Variants in MAD1L1 observed in about 807,000 individuals in gnomAD.
MAD1L1 encodes the protein mitotic spindle assembly checkpoint protein MAD1.
Under a neutral mutation model 96.9 loss-of-function variants are expected in MAD1L1, and 95 were observed. The ratio of observed to expected loss-of-function variants is 0.98; its 90% confidence interval spans 0.83 to 1.16. The LOEUF (loss-of-function observed/expected upper bound fraction) is 1.16. Among genes scored for constraint, MAD1L1 ranks in the 50% most tolerant of loss-of-function variants. The pLI is 0.00. For missense variants in MAD1L1, 1,007 were observed against 954.4 expected, an observed-to-expected ratio of 1.06 and a Z score of -0.73; for synonymous variants, 473 against 396.6, an observed-to-expected ratio of 1.19 and a Z score of -2.29.
chr7:1,863,436 C>A (rs1307644146), intron 18 of MAD1L1, among the ~76,000 whole-genome samples: 1 of 152,242 alleles, frequency 6.6e-6, no homozygotes, highest in Non-Finnish European at 1.5e-5. Context: ...CCACTGAGGG[C>A]CTCTGTGAGG....
chr7:2,054,955 C>T (rs1177488066), intron 12 of MAD1L1, among the ~76,000 whole-genome samples: 2 of 152,230 alleles, frequency 1.3e-5, no homozygotes, highest in Non-Finnish European at 2.9e-5. Flanking sequence ...AGATGGGTTG[C>T]ATGGGTCACA....
chr7:1,903,327 C>T (rs1242383430), intron 17 of MAD1L1, among the ~76,000 whole-genome samples: 730 of 86,196 alleles, frequency 8.5e-3, no homozygotes, highest in Middle Eastern at 0.065. Context: ...CAGTGGCCTA[C>T]GGAAGACACT....
At chr7:2,221,814 C>G (rs1793623290) in intron 5 of MAD1L1, among the ~76,000 whole-genome samples, 1 of 152,206 alleles carries the variant, frequency 6.6e-6, no homozygotes, top group African/African-American at 2.4e-5. Flanking sequence ...AGACCACCAT[C>G]CACGACAGGG....
intron 14 of MAD1L1, among the ~76,000 whole-genome samples, chr7:1,998,120 C>G (rs1157163085): frequency 6.6e-6 from 1 of 152,202 alleles, no homozygotes; most frequent in African/African-American, 2.4e-5. Context: ...AAACCTCCAG[C>G]CCAGCGCTGC....
chr7:1,873,199 C>T (rs1384839469), intron 18 of MAD1L1, among the ~76,000 whole-genome samples: 1 of 152,232 alleles, frequency 6.6e-6, no homozygotes, highest in Admixed American at 6.5e-5. Context: ...TTGACCCCCA[C>T]CGTAAATGTG....
At chr7:1,822,306 C>T (rs1010055154) in intron 18 of MAD1L1, among the ~76,000 whole-genome samples, 3 of 151,498 alleles carry the variant, frequency 2.0e-5, no homozygotes, top group African/African-American at 4.9e-5. Context: ...TGAAAGGAAT[C>T]GAAAGGAATA....
At chr7:2,072,605 G>A (rs887927776) in intron 11 of MAD1L1, among the ~76,000 whole-genome samples, 2 of 152,222 alleles carry the variant, frequency 1.3e-5, no homozygotes, top group Admixed American at 6.5e-5. Flanking sequence ...AGGTGGGAAC[G>A]TTCACAAGTG....
chr7:2,173,351 C>T (rs546251692), intron 10 of MAD1L1, among the ~76,000 whole-genome samples: 51 of 152,302 alleles, frequency 3.3e-4, no homozygotes, highest in Non-Finnish European at 5.6e-4. Flanking sequence ...AGCTGCCCCG[C>T]GTCTGGCTGA....
chr7:2,055,877 G>C (rs1013625968), intron 12 of MAD1L1, among the ~76,000 whole-genome samples: 1 of 152,198 alleles, frequency 6.6e-6, no homozygotes, highest in Non-Finnish European at 1.5e-5. Flanking sequence ...TACTCGGGAG[G>C]CTGAGGCTGG....
At chr7:2,022,519 C>A (rs1036132042) in intron 12 of MAD1L1, among the ~76,000 whole-genome samples, 1 of 151,560 alleles carries the variant, frequency 6.6e-6, no homozygotes, top group Non-Finnish European at 1.5e-5. Flanking sequence ...CCACTGTACC[C>A]CAGCCTGGGC....
At chr7:2,031,930 C>G (rs1428279345) in intron 12 of MAD1L1, among the ~76,000 whole-genome samples, 2 of 152,266 alleles carry the variant, frequency 1.3e-5, no homozygotes, top group Non-Finnish European at 2.9e-5. Context: ...GGGTTCCTTT[C>G]CTCTCTAGGC....
chr7:1,840,458 G>GGT (rs1056453055), intron 18 of MAD1L1, among the ~76,000 whole-genome samples: 2 of 152,208 alleles, frequency 1.3e-5, no homozygotes, highest in African/African-American at 4.8e-5. Flanking sequence ...AGCCAGGCGT[G>GGT]GTGGCTCACA....
chr7:2,139,719 C>A (rs574640985), intron 11 of MAD1L1, among the ~76,000 whole-genome samples: 1 of 152,238 alleles, frequency 6.6e-6, no homozygotes, highest in African/African-American at 2.4e-5. Context: ...GGCAGACCCC[C>A]GTCCAGATGG....
At chr7:1,889,546 G>A (rs1786405246) in intron 18 of MAD1L1, among the ~76,000 whole-genome samples, 1 of 151,366 alleles carries the variant, frequency 6.6e-6, no homozygotes, top group Admixed American at 6.6e-5. Flanking sequence ...TTCTGAAAAT[G>A]CTCTCCCCAA....
chr7:2,171,812 G>C (rs1160054806), intron 10 of MAD1L1, among the ~76,000 whole-genome samples: 5 of 152,220 alleles, frequency 3.3e-5, no homozygotes, highest in Admixed American at 3.3e-4. Context: ...GTGTTCCTGA[G>C]GCCTCACCGT....
chr7:1,873,702 C>T (rs373730875), intron 18 of MAD1L1, among the ~76,000 whole-genome samples: 15 of 152,162 alleles, frequency 9.9e-5, no homozygotes, highest in South Asian at 2.1e-4. Flanking sequence ...GTGGGCACCC[C>T]GGGTGCAGGA....
chr7:2,202,282 C>A (rs1792352716), intron 10 of MAD1L1, among the ~76,000 whole-genome samples: 1 of 152,260 alleles, frequency 6.6e-6, no homozygotes, highest in African/African-American at 2.4e-5. Context: ...GGCCAGGACT[C>A]AGCCACAGGA....
rs1187361734 is a variant in MAD1L1, at chr7:2,014,379, C to A, written c.1359+123G>T. ...CCGTGGACACCCTCCCTGACAGACACCTGCCAGCCGGGAACTGGGGAGGCG... is the reference window on the plus strand; with the variant it reads ...CCGTGGACACCCTCCCTGACAGACAACTGCCAGCCGGGAACTGGGGAGGCG... On this transcript the variant is annotated intron_variant, in intron 13 of 18. Coordinates refer to ENST00000265854, the MANE Select transcript of MAD1L1 (RefSeq NM_001013836.2). 2.1e-5 allele frequency: 27 copies of A among 1,313,994 alleles called. No individual in the cohort carries two copies. In the Admixed American group the frequency reaches 4.9e-4, roughly 24 times the overall value. 81.4% of individuals were successfully genotyped at this position (1,313,994 alleles called of 1,614,324 possible).
chr7:2,099,532 A>G (rs1409217573), intron 11 of MAD1L1, among the ~76,000 whole-genome samples: 2 of 152,228 alleles, frequency 1.3e-5, no homozygotes, highest in Non-Finnish European at 2.9e-5. Flanking sequence ...TGCAAAAGAG[A>G]CAGCTAGCAA....
Sources: allele counts gnomAD v4.1 joint callset (sites outside exome capture counted in the v4.1 genomes callset), GRCh38; gene constraint gnomAD v4.1.1; transcripts MANE v1.5; gene names NCBI Gene and HGNC (gene_info 2026-07-23, HGNC 2026-07-21).